The following XRCC4 variants were observed in gnomAD, a reference collection of about 807,000 sequenced individuals.
XRCC4 encodes DNA repair protein XRCC4.
A neutral mutation model predicts 39.1 loss-of-function variants in XRCC4; 28 were observed. That is an observed-to-expected ratio of 0.72 (90% CI 0.53 to 0.98). XRCC4 has a LOEUF of 0.98. XRCC4 is among the 50% of genes least tolerant of loss of function. The probability of loss-of-function intolerance (pLI) is 0.00; values close to 1 mark genes in which losing one functional copy is unlikely to be tolerated. For synonymous variants in XRCC4, 123 were observed against 126.4 expected, an observed-to-expected ratio of 0.97 and a Z score of 0.18; for missense variants, 350 against 376.4, an observed-to-expected ratio of 0.93 and a Z score of 0.58.
rs1746416323 is a variant in XRCC4 at position 83,111,026 on chromosome 5, A to G, written c.140-2A>G. The G allele has an allele frequency of 1.0e-5, 16 of 1,602,378 alleles. No individual in the cohort carries two copies. The highest frequency in any genetic ancestry group is 1.4e-5 in the Non-Finnish European group (16 of 1,176,842). ...TAAAACTTTTGTTAATATTTCCCAT[A>G]GTTTCTGAATCAGAGATTTCCCAAG... On this transcript the variant is annotated splice_acceptor_variant, in intron 2 of 7. Transcript: ENST00000396027. LOFTEE classifies it high-confidence loss of function.
At chr5:83,091,558 C>T (rs1182510761) in intron 1 of XRCC4, among the ~76,000 whole-genome samples, 1 of 152,192 alleles carries the variant, frequency 6.6e-6, no homozygotes, top group East Asian at 1.9e-4. Context: ...CCATTCTACT[C>T]TCTGCTTCTG....
chr5:83,086,954 T>C (rs1745209782), intron 1 of XRCC4, among the ~76,000 whole-genome samples: 1 of 152,184 alleles, frequency 6.6e-6, no homozygotes, highest in South Asian at 2.1e-4. Flanking sequence ...TTGGTTGAAT[T>C]TTTTTGGCCA....
At chr5:83,132,212 A>C (rs1370265716) in intron 3 of XRCC4, among the ~76,000 whole-genome samples, 2 of 151,618 alleles carry the variant, frequency 1.3e-5, no homozygotes, top group African/African-American at 2.4e-5. Context: ...ATTGGCCCCC[A>C]CTCTCTTCTG....
chr5:83,223,751 A>G (rs1473328791), intron 6 of XRCC4, among the ~76,000 whole-genome samples: 1 of 151,938 alleles, frequency 6.6e-6, no homozygotes, highest in Non-Finnish European at 1.5e-5. Context: ...TTACATATGT[A>G]TACATGTGCC....
intron 3 of XRCC4, among the ~76,000 whole-genome samples, chr5:83,172,231 T>G (rs1409896628): frequency 6.6e-6 from 1 of 152,160 alleles, no homozygotes; most frequent in Non-Finnish European, 1.5e-5. Context: ...AAAATAGGGC[T>G]TCCAGTTGGC....
intron 3 of XRCC4, among the ~76,000 whole-genome samples, chr5:83,194,149 G>A (rs1222912663): frequency 6.6e-6 from 1 of 151,970 alleles, no homozygotes; most frequent in Non-Finnish European, 1.5e-5. Flanking sequence ...ACACTGTGTT[G>A]GCCAGGCAGG....
intron 6 of XRCC4, among the ~76,000 whole-genome samples, chr5:83,243,652 A>G (rs16900260): frequency 0.026 from 3,978 of 152,192 alleles, 140 homozygotes; most frequent in African/African-American, 0.082. Context: ...CAGAAGAGGC[A>G]CTCTACAGCA....
At chr5:83,135,478 G>A (rs773371928) in intron 3 of XRCC4, among the ~76,000 whole-genome samples, 1 of 150,712 alleles carries the variant, frequency 6.6e-6, no homozygotes, top group African/African-American at 2.4e-5. Flanking sequence ...CCATGATGTA[G>A]TTTTCTTTGT....
chr5:83,277,210 T>G (rs1469562768), intron 7 of XRCC4, among the ~76,000 whole-genome samples: 3 of 152,228 alleles, frequency 2.0e-5, no homozygotes, highest in Admixed American at 6.5e-5. Context: ...TGACAGTCAT[T>G]AGTTCTGTTC....
At chr5:83,204,238 T>C (rs1293638023) in intron 5 of XRCC4, among the ~76,000 whole-genome samples, 1 of 152,198 alleles carries the variant, frequency 6.6e-6, no homozygotes, top group Non-Finnish European at 1.5e-5. Context: ...TCGACGATTA[T>C]AACTTTTTTA....
chr5:83,121,433 A>G lies in XRCC4; in HGVS notation c.315+10230A>G, dbSNP rs567531454. On this transcript the variant is annotated intron_variant, in intron 3 of 7. Coordinates refer to ENST00000396027, the MANE Select transcript of XRCC4 (RefSeq NM_003401.5). ...GTTCCAGTTTCTCCACATCCTTGTC[A>G]TTACTTGGTATGGTCAGATTTTTCA... Among the ~76,000 whole-genome samples the G allele has an allele frequency of 1.5e-4, 23 of 152,246 alleles. 1 individual carries two copies. The East Asian group carries it at 3.5e-3, about 23-fold the overall frequency.
At chr5:83,220,580 A>T (rs973147207) in intron 6 of XRCC4, among the ~76,000 whole-genome samples, 11 of 152,196 alleles carry the variant, frequency 7.2e-5, no homozygotes, top group African/African-American at 2.7e-4. Flanking sequence ...AGGCTCTCTA[A>T]GCAGATTCTG....
At chr5:83,267,023 G>A (rs916152254) in intron 7 of XRCC4, among the ~76,000 whole-genome samples, 1 of 152,140 alleles carries the variant, frequency 6.6e-6, no homozygotes, top group African/African-American at 2.4e-5. Context: ...TCTTTAATAT[G>A]TATATGGCTA....
At chr5:83,102,554 TTTC>T (rs1745991563) in intron 1 of XRCC4, among the ~76,000 whole-genome samples, 1 of 152,172 alleles carries the variant, frequency 6.6e-6, no homozygotes. Context: ...TGGAAACTTT[TTTC>T]TTGTAACTTG....
chr5:83,201,149 G>A (rs1310319145), intron 4 of XRCC4: 1 of 152,116 alleles, frequency 6.6e-6, no homozygotes, highest in East Asian at 1.9e-4. Context: ...CGGAATCACT[G>A]TTTTTCTGTT....
chr5:83,332,129 T>C (rs769570914), intron 7 of XRCC4, among the ~76,000 whole-genome samples: 1 of 152,062 alleles, frequency 6.6e-6, no homozygotes, highest in Non-Finnish European at 1.5e-5. Flanking sequence ...AAGTCCCAGT[T>C]GCACAGATGT....
intron 3 of XRCC4, among the ~76,000 whole-genome samples, chr5:83,172,120 T>C (rs531450940): frequency 6.6e-6 from 1 of 152,280 alleles, no homozygotes; most frequent in South Asian, 2.1e-4. Context: ...GAACCTTCAT[T>C]ATTTTCAGTG....
At chr5:83,166,756 C>T (rs1332728677) in intron 3 of XRCC4, among the ~76,000 whole-genome samples, 3 of 151,846 alleles carry the variant, frequency 2.0e-5, no homozygotes, top group Admixed American at 2.0e-4. Flanking sequence ...GCATTACAGG[C>T]GTGAGCCACC....
At chr5:83,182,525 A>G (rs1263642086) in intron 3 of XRCC4, among the ~76,000 whole-genome samples, 1 of 152,214 alleles carries the variant, frequency 6.6e-6, no homozygotes, top group African/African-American at 2.4e-5. Flanking sequence ...GAGGTAATCT[A>G]TACAAATCCC....
Sources: allele counts gnomAD v4.1 joint callset (sites outside exome capture counted in the v4.1 genomes callset), GRCh38; gene constraint gnomAD v4.1.1; transcripts MANE v1.5; gene names NCBI Gene and HGNC (gene_info 2026-07-23, HGNC 2026-07-21).